Variants in DLG2 observed in about 807,000 individuals in gnomAD.
DLG2 encodes disks large homolog 2.
A neutral mutation model predicts 132.5 loss-of-function variants in DLG2; 45 were observed. The ratio of observed to expected loss-of-function variants is 0.34; its 90% CI spans 0.27 to 0.44. The LOEUF (loss-of-function observed/expected upper bound fraction) is 0.44. DLG2 is among the 20% of genes least tolerant of loss of function. DLG2 has a pLI of 1.00. For missense variants in DLG2, 1,045 were observed against 1,196.9 expected (o/e 0.87, Z 1.87); for synonymous variants, 424 against 419.6 (o/e 1.01, Z -0.13).
intron 8 of DLG2, among the ~76,000 whole-genome samples, chr11:84,226,265 T>G (rs897474010): frequency 3.0e-4 from 46 of 152,382 alleles, no homozygotes; most frequent in African/African-American, 1.1e-3. Context: ...TTATTTAATT[T>G]TACTTCTTGG....
chr11:83,921,975 G>A (rs2078020531), intron 15 of DLG2, among the ~76,000 whole-genome samples: 1 of 152,102 alleles, frequency 6.6e-6, no homozygotes, highest in African/African-American at 2.4e-5. Context: ...GTTATCTCAA[G>A]GTATTTGACC....
intron 15 of DLG2, among the ~76,000 whole-genome samples, chr11:83,892,802 C>G (rs75913381): frequency 6.6e-6 from 1 of 152,084 alleles, no homozygotes; most frequent in African/African-American, 2.4e-5. Context: ...TTCCCAATCA[C>G]CTAACTGGCC....
chr11:84,570,460 T>G (rs1359863592), intron 6 of DLG2, among the ~76,000 whole-genome samples: 5 of 152,134 alleles, frequency 3.3e-5, no homozygotes, highest in Admixed American at 2.6e-4. Context: ...CTCTCTAAAT[T>G]GTGAGCTGCC....
At chr11:84,167,427 T>C (rs911249405) in intron 8 of DLG2, among the ~76,000 whole-genome samples, 1 of 151,502 alleles carries the variant, frequency 6.6e-6, no homozygotes, top group Non-Finnish European at 1.5e-5. Flanking sequence ...GTTAATTTTA[T>C]GGCCTTTTTT....
At chr11:84,087,482 A>G (rs1302908163) in intron 10 of DLG2, among the ~76,000 whole-genome samples, 2 of 152,224 alleles carry the variant, frequency 1.3e-5, no homozygotes, top group Non-Finnish European at 1.5e-5. Context: ...AATTTGTGGT[A>G]GGCTGAATAA....
intron 7 of DLG2, among the ~76,000 whole-genome samples, chr11:84,346,968 T>C (rs760620600): frequency 2.6e-5 from 4 of 152,230 alleles, no homozygotes; most frequent in Non-Finnish European, 5.9e-5. Context: ...GTATCTAGGA[T>C]AGTCGTTTCA....
chr11:85,031,803 G>C (rs1046626194), intron 6 of DLG2, among the ~76,000 whole-genome samples: 2 of 151,964 alleles, frequency 1.3e-5, no homozygotes, highest in African/African-American at 4.8e-5. Flanking sequence ...TATTTATTTT[G>C]AGATGGAGAC....
At chr11:84,549,141 C>T (rs1380808050) in intron 6 of DLG2, among the ~76,000 whole-genome samples, 2 of 152,098 alleles carry the variant, frequency 1.3e-5, no homozygotes, top group Admixed American at 6.5e-5. Flanking sequence ...AAGGGGTTTC[C>T]AGCTGACAAA....
At chr11:85,154,148 A>G (rs929013129) in intron 5 of DLG2, among the ~76,000 whole-genome samples, 1 of 150,918 alleles carries the variant, frequency 6.6e-6, no homozygotes, top group East Asian at 1.9e-4. Flanking sequence ...AAAAAAAAAA[A>G]AAAAAAAAAA....
chr11:84,087,714 T>G (rs1031626833), intron 10 of DLG2, among the ~76,000 whole-genome samples: 9 of 151,932 alleles, frequency 5.9e-5, no homozygotes, highest in African/African-American at 2.2e-4. Flanking sequence ...GAAGTAAAGG[T>G]TGGATGGAGA....
chr11:84,360,826 G>A (rs2098645572), intron 7 of DLG2, among the ~76,000 whole-genome samples: 1 of 151,640 alleles, frequency 6.6e-6, no homozygotes, highest in Non-Finnish European at 1.5e-5. Context: ...TAATAAAATA[G>A]GTAAGAATGT....
chr11:84,368,225 G>A (rs975675765), intron 7 of DLG2, among the ~76,000 whole-genome samples: 3 of 152,086 alleles, frequency 2.0e-5, no homozygotes, highest in African/African-American at 7.2e-5. Context: ...TTCACAACAT[G>A]TAATATATGT....
chr11:85,264,837 C>T (rs931604848), intron 4 of DLG2, among the ~76,000 whole-genome samples: 2 of 152,196 alleles, frequency 1.3e-5, no homozygotes, highest in Admixed American at 6.5e-5. Flanking sequence ...CAGTTACTGA[C>T]ATTGAACTTC....
chr11:83,815,458 G>A (rs1177558598), intron 17 of DLG2, among the ~76,000 whole-genome samples: 2 of 152,126 alleles, frequency 1.3e-5, no homozygotes, highest in Non-Finnish European at 2.9e-5. Flanking sequence ...CGTAACCAGA[G>A]GTGGGAAGGT....
At chr11:84,306,963 C>G (rs1322563263) in intron 7 of DLG2, among the ~76,000 whole-genome samples, 1 of 152,192 alleles carries the variant, frequency 6.6e-6, no homozygotes, top group Non-Finnish European at 1.5e-5. Flanking sequence ...AAAAGAACTA[C>G]CATTCAACCC....
At chr11:84,918,059 A>C (rs893679499) in intron 6 of DLG2, among the ~76,000 whole-genome samples, 1 of 152,190 alleles carries the variant, frequency 6.6e-6, no homozygotes, top group African/African-American at 2.4e-5. Context: ...ACATCATAGG[A>C]TCTAGCAAAG....
At chr11:84,490,938 A>G (rs1215768397) in intron 7 of DLG2, among the ~76,000 whole-genome samples, 1 of 151,184 alleles carries the variant, frequency 6.6e-6, no homozygotes, top group East Asian at 1.9e-4. Flanking sequence ...TTTAATTCTC[A>G]CTAGCTCTCC....
intron 6 of DLG2, among the ~76,000 whole-genome samples, chr11:84,966,857 G>C (rs910237297): frequency 3.9e-5 from 6 of 152,204 alleles, no homozygotes; most frequent in Non-Finnish European, 7.4e-5. Context: ...TGGGGCGTTG[G>C]ATCATCAAAC....
At chr11:85,101,326 C>T (rs2070813911) in intron 6 of DLG2, among the ~76,000 whole-genome samples, 2 of 152,030 alleles carry the variant, frequency 1.3e-5, no homozygotes. Flanking sequence ...ATGGGTCTCT[C>T]ATGTTCAAAC....
Sources: gnomAD v4.1 joint callset for allele counts (sites outside exome capture counted in the v4.1 genomes callset) on GRCh38, gnomAD v4.1.1 for gene constraint, MANE v1.5 for transcripts, NCBI Gene and HGNC (gene_info 2026-07-23, HGNC 2026-07-21) for gene names.